Variants in SPAG16 observed in about 807,000 individuals in gnomAD.
SPAG16 encodes the protein sperm associated antigen 16.
Under a neutral mutation model 80.4 loss-of-function variants are expected in SPAG16, and 86 were observed. The ratio of observed to expected loss-of-function variants is 1.07; its 90% CI spans 0.90 to 1.28. The LOEUF (loss-of-function observed/expected upper bound fraction) is 1.28, where lower values mean the gene tolerates loss of function less well. SPAG16 is among the 50% of genes most tolerant of loss of function. The pLI is 0.00. For synonymous variants in SPAG16, 294 were observed against 265.9 expected (o/e 1.11, Z -1.03); for missense variants, 870 against 765.3 (o/e 1.14, Z -1.61).
At chr2:213,913,867 T>G (rs544005957) in intron 11 of SPAG16, among the ~76,000 whole-genome samples, 15 of 152,250 alleles carry the variant, frequency 9.9e-5, no homozygotes, top group African/African-American at 3.4e-4. Context: ...TTTTGCAGCT[T>G]AAATCTGAAG....
intron 15 of SPAG16, among the ~76,000 whole-genome samples, chr2:214,285,470 G>C (rs1310175843): frequency 6.6e-6 from 1 of 152,056 alleles, no homozygotes; most frequent in African/African-American, 2.4e-5. Context: ...TTGCTGTTCA[G>C]ATGAAAAACT....
chr2:213,309,516 C>T (rs1427607693), intron 3 of SPAG16, among the ~76,000 whole-genome samples: 2 of 151,806 alleles, frequency 1.3e-5, no homozygotes, highest in East Asian at 3.9e-4. Flanking sequence ...TTTTGATTAA[C>T]ATGCTATGTG....
At chr2:213,701,547 A>T (rs921077957) in intron 10 of SPAG16, among the ~76,000 whole-genome samples, 1 of 151,740 alleles carries the variant, frequency 6.6e-6, no homozygotes, top group Admixed American at 6.6e-5. Context: ...GCTTGTGGGG[A>T]GGTGTGGAGG....
intron 8 of SPAG16, among the ~76,000 whole-genome samples, chr2:213,374,077 T>C (rs929797532): frequency 6.6e-6 from 1 of 152,162 alleles, no homozygotes; most frequent in African/African-American, 2.4e-5. Flanking sequence ...CTCAAGTACT[T>C]TCATGTAACG....
chr2:213,520,414 G>A (rs1001943230), intron 10 of SPAG16, among the ~76,000 whole-genome samples: 26 of 150,984 alleles, frequency 1.7e-4, no homozygotes, highest in East Asian at 5.8e-4. Context: ...GTGAAACCCC[G>A]TCTCTACTAA....
intron 10 of SPAG16, among the ~76,000 whole-genome samples, chr2:213,843,422 C>T (rs1206629728): frequency 6.6e-6 from 1 of 152,174 alleles, no homozygotes; most frequent in Non-Finnish European, 1.5e-5. Flanking sequence ...CCCAAAAGTA[C>T]AAGACACATC....
At chr2:213,358,980 T>C (rs10178111) in intron 7 of SPAG16, among the ~76,000 whole-genome samples, 33,146 of 152,218 alleles carry the variant, frequency 0.22, 4,448 homozygotes, top group Non-Finnish European at 0.31. Flanking sequence ...ATGCTATTTC[T>C]GTTTGTTAGT....
At chr2:213,509,797 A>C (rs552025632) in intron 10 of SPAG16, among the ~76,000 whole-genome samples, 44 of 152,358 alleles carry the variant, frequency 2.9e-4, no homozygotes, top group African/African-American at 1.1e-3. Context: ...AACTAGCAGA[A>C]GGCAAGAAAT....
At chr2:213,582,035 A>G (rs954599508) in intron 10 of SPAG16, among the ~76,000 whole-genome samples, 1 of 152,180 alleles carries the variant, frequency 6.6e-6, no homozygotes, top group African/African-American at 2.4e-5. Flanking sequence ...ATGGAGGAAG[A>G]ATCTCATCCT....
At chr2:213,535,551 A>G (rs1312090004) in intron 10 of SPAG16, among the ~76,000 whole-genome samples, 3 of 152,114 alleles carry the variant, frequency 2.0e-5, no homozygotes, top group Non-Finnish European at 4.4e-5. Context: ...TGCAATTTTC[A>G]TTTCTTATTG....
At chr2:213,809,364 G>A (rs954905683) in intron 10 of SPAG16, among the ~76,000 whole-genome samples, 1 of 152,116 alleles carries the variant, frequency 6.6e-6, no homozygotes, top group Admixed American at 6.6e-5. Context: ...TGTACTGTAA[G>A]TTGGAAAAAG....
intron 13 of SPAG16, among the ~76,000 whole-genome samples, chr2:214,025,733 C>A (rs189259249): frequency 6.6e-6 from 1 of 151,478 alleles, no homozygotes; most frequent in Non-Finnish European, 1.5e-5. Flanking sequence ...ACCATTGATG[C>A]ACCATATAAT....
chr2:213,704,489 C>T (rs1228139767), intron 10 of SPAG16, among the ~76,000 whole-genome samples: 1 of 152,146 alleles, frequency 6.6e-6, no homozygotes, highest in Non-Finnish European at 1.5e-5. Context: ...GCTACTCTGT[C>T]TCTCAAAGAG....
At chr2:213,994,521 T>C (rs573288408) in intron 12 of SPAG16, among the ~76,000 whole-genome samples, 2 of 152,140 alleles carry the variant, frequency 1.3e-5, no homozygotes, top group East Asian at 3.9e-4. Context: ...TTATGTGTCT[T>C]ACAGTTCAGT....
chr2:213,946,397 G>GTTTTA (rs2079474201), intron 12 of SPAG16, among the ~76,000 whole-genome samples: 51 of 152,188 alleles, frequency 3.4e-4, no homozygotes, highest in African/African-American at 9.4e-4. Flanking sequence ...ACAGGCGTGA[G>GTTTTA]CCACTGTGCC....
chr2:213,549,321 C>G (rs1485792652), intron 10 of SPAG16, among the ~76,000 whole-genome samples: 1 of 151,852 alleles, frequency 6.6e-6, no homozygotes, highest in Non-Finnish European at 1.5e-5. Flanking sequence ...TTATTTGATG[C>G]ATTATTAATA....
chr2:214,162,723 T>C (rs917097573), intron 15 of SPAG16, among the ~76,000 whole-genome samples: 2 of 152,168 alleles, frequency 1.3e-5, no homozygotes, highest in African/African-American at 2.4e-5. Flanking sequence ...CGTGATGTTC[T>C]AGTATTGTCT....
intron 12 of SPAG16, among the ~76,000 whole-genome samples, chr2:214,009,120 C>T (rs980131256): frequency 3.3e-5 from 5 of 152,114 alleles, no homozygotes; most frequent in African/African-American, 1.2e-4. Context: ...CTCTGCTAGA[C>T]CTTGTGGAAT....
At chr2:214,211,623 T>C (rs187791283) in intron 15 of SPAG16, among the ~76,000 whole-genome samples, 112 of 152,240 alleles carry the variant, frequency 7.4e-4, no homozygotes, top group Middle Eastern at 3.4e-3. Flanking sequence ...TGGTAGCAAA[T>C]CCCAGCTCCC....
Sources: gnomAD v4.1 joint callset for allele counts (sites outside exome capture counted in the v4.1 genomes callset) on GRCh38, gnomAD v4.1.1 for gene constraint, MANE v1.5 for transcripts, NCBI Gene and HGNC (gene_info 2026-07-23, HGNC 2026-07-21) for gene names.